The following ABCA9 variants were observed in gnomAD, a reference collection of about 807,000 sequenced individuals.
ABCA9 encodes the protein ATP binding cassette subfamily A member 9, also known as ATP-binding cassette sub-family A member 9.
A neutral mutation model predicts 205.3 loss-of-function variants in ABCA9; 183 were observed. The ratio of observed to expected loss-of-function variants is 0.89; its 90% CI spans 0.79 to 1.01. ABCA9 has a LOEUF of 1.01. Ranked by LOEUF, ABCA9 falls within the 50% of genes least tolerant of loss-of-function variation. ABCA9 has a pLI of 0.00. For missense variants in ABCA9, 1,805 were observed against 1,912.4 expected, an observed-to-expected ratio of 0.94 and a Z score of 1.05; for synonymous variants, 651 against 683.3, an observed-to-expected ratio of 0.95 and a Z score of 0.74.
intron 15 of ABCA9, 23 bp from the exon 16 acceptor site, chr17:69,026,490 T>A: frequency 6.3e-7 from 1 of 1,582,768 alleles, no homozygotes; most frequent in Non-Finnish European, 8.7e-7. Flanking sequence ...AATCAAAAGA[T>A]AAGTTACATG....
intron 23 of ABCA9, 22 bp from the exon 24 acceptor site, chr17:69,008,257 CATCAAAAGGTTCTGAAGAGCTGAA>C: frequency 3.1e-6 from 5 of 1,607,410 alleles, no homozygotes; most frequent in Non-Finnish European, 4.2e-6. Context: ...ATAGAAGAAT[CATCAAAAGGTTCTGAAGAGCTGAA>C]GTTTGGGAAA....
At chr17:68,997,990 C>T (rs564754227) in intron 25 of ABCA9, among the ~76,000 whole-genome samples, 1 of 152,294 alleles carries the variant, frequency 6.6e-6, no homozygotes, top group East Asian at 1.9e-4. Context: ...TCACTGTCTC[C>T]ATAGTTTCGC....
At chr17:69,037,258 A>G (rs1466258139) in intron 6 of ABCA9, among the ~76,000 whole-genome samples, 1 of 152,196 alleles carries the variant, frequency 6.6e-6, no homozygotes, top group African/African-American at 2.4e-5. Flanking sequence ...TCAACAGAAT[A>G]TACTTTCTTC....
At position 68,992,341 on chromosome 17, in the gene ABCA9, G is replaced by T. The variant is rs552519438; in HGVS notation, c.3625-75C>A. The T allele has an allele frequency of 7.3e-6, 7 of 955,502 alleles. No individual in the cohort carries two copies. In the East Asian group the frequency reaches 2.0e-4, roughly 28 times the overall value. The allele number at this position is 955,502 out of a possible 1,614,324, so 59.2% of individuals were successfully genotyped here. On this transcript the variant is annotated intron_variant, in intron 27 of 38. Transcript: ENST00000340001. ...ATTTCAATATTGGAATTGATTTAAA[G>T]AGTTTGATTATATAAAAATTCGATT...
intron 18 of ABCA9, 57 bp downstream of exon 18, chr17:69,021,685 C>A: frequency 8.5e-6 from 9 of 1,054,392 alleles, no homozygotes; most frequent in Admixed American, 2.5e-5. Context: ...TTCGTCCTTC[C>A]TTCCTTCCTT....
At chr17:69,036,871 CAAAAAAAAAAAAAA>C (rs781565554) in intron 6 of ABCA9, among the ~76,000 whole-genome samples, 3 of 4,708 alleles carry the variant, frequency 6.4e-4, no homozygotes, top group East Asian at 0.029. Flanking sequence ...AAATGGAAAG[CAAAAAAAAAAAAAA>C]AAAAAAAAAA....
At chr17:68,998,775 C>A (rs1314268687) in intron 25 of ABCA9, among the ~76,000 whole-genome samples, 1 of 150,870 alleles carries the variant, frequency 6.6e-6, no homozygotes, top group African/African-American at 2.4e-5. Context: ...TTTCAGAATT[C>A]ATTATTAATT....
At chr17:68,991,052 G>A in intron 28 of ABCA9, 95 bp from the exon 29 acceptor site, 8 of 1,376,280 alleles carry the variant, frequency 5.8e-6, no homozygotes, top group Non-Finnish European at 7.9e-6. Context: ...TTTTGGAGTA[G>A]ATTCATTCAG....
chr17:69,077,877 C>T, the ABCA9 span, among the ~76,000 whole-genome samples: 23 of 151,434 alleles, frequency 1.5e-4, no homozygotes, highest in African/African-American at 5.6e-4. Flanking sequence ...GTTAAACTGA[C>T]AGGTATTTTA....
chr17:68,992,348 A>C (rs2144040423), intron 27 of ABCA9, 82 bp from the exon 28 acceptor site: 1 of 921,292 alleles, frequency 1.1e-6, no homozygotes, highest in East Asian at 2.9e-5. Context: ...AAAGAGTTTG[A>C]TTATATAAAA....
chr17:69,008,308 A>G, intron 23 of ABCA9, 73 bp from the exon 24 acceptor site: 1 of 1,377,672 alleles, frequency 7.3e-7, no homozygotes, highest in Non-Finnish European at 1.0e-6. Flanking sequence ...ATATACAGTC[A>G]TGAAAGCATT....
intron 8 of ABCA9, among the ~76,000 whole-genome samples, chr17:69,034,149 G>C (rs1255940471): frequency 3.9e-5 from 6 of 152,162 alleles, no homozygotes; most frequent in Non-Finnish European, 1.5e-5. Flanking sequence ...CAAGAAAGGT[G>C]ATATTTGAGC....
chr17:69,067,592 GAGAAAGAAAAAAGAAAGAA>G, the ABCA9 span, among the ~76,000 whole-genome samples: 2 of 128,072 alleles, frequency 1.6e-5, no homozygotes, highest in African/African-American at 5.5e-5. Flanking sequence ...GAGAGAGACA[GAGAAAGAAAAAAGAAAGAA>G]AGAAAGAAAG....
At chr17:69,007,901 A>C in intron 24 of ABCA9, 29 bp from the exon 25 acceptor site, 1 of 1,493,944 alleles carries the variant, frequency 6.7e-7, no homozygotes, top group South Asian at 1.2e-5. Flanking sequence ...AGGTCCAATA[A>C]GGTAAATACT....
intron 22 of ABCA9, among the ~76,000 whole-genome samples, chr17:69,014,208 C>T (rs1031683745): frequency 1.2e-4 from 18 of 152,122 alleles, no homozygotes; most frequent in Non-Finnish European, 2.4e-4. Flanking sequence ...AAATTCAAAA[C>T]TCTTTGAGTG....
intron 6 of ABCA9, among the ~76,000 whole-genome samples, chr17:69,037,974 T>C (rs1032529675): frequency 6.6e-6 from 1 of 152,030 alleles, no homozygotes; most frequent in Admixed American, 6.5e-5. Context: ...CTAGAAGAAA[T>C]AGATAAATTC....
chr17:69,021,628 G>T (rs1390260412), intron 18 of ABCA9, 114 bp downstream of exon 18: 5 of 653,502 alleles, frequency 7.7e-6, no homozygotes, highest in East Asian at 5.7e-5. Flanking sequence ...TCATCATTTG[G>T]GCATATTTTC....
chr17:69,009,829 G>A (rs1411893819), intron 23 of ABCA9, among the ~76,000 whole-genome samples: 4 of 152,132 alleles, frequency 2.6e-5, no homozygotes, highest in Non-Finnish European at 4.4e-5. Context: ...AGCCAGCTAT[G>A]AAGATGAGAG....
chr17:69,043,570 T>C lies in ABCA9; in HGVS notation c.719A>G (p.Tyr240Cys), dbSNP rs747272553. The C allele has an allele frequency of 6.2e-7, 1 of 1,612,042 alleles. No homozygotes were observed. Among genetic ancestry groups the C allele is most frequent in the South Asian group, 1.1e-5 (1 of 90,700 alleles). ...CIISFSTFIY[Y>C]VSVNVTQERQ... ...TTCTTGTGTAACATTGACTGATACA[T>C]AGTATATAAATGTAGAAAAAGAAAT... is the stretch of plus-strand genomic sequence containing the variant. Residue 240 changes from tyrosine to cysteine, a missense_variant, in exon 6 of 39, where the codon TAT becomes TGT. Tyr to Cys is a radical substitution (Grantham distance 194). Coordinates refer to ENST00000340001, the MANE Select transcript of ABCA9 (RefSeq NM_080283.4).
Sources: allele counts gnomAD v4.1 joint callset (sites outside exome capture counted in the v4.1 genomes callset), GRCh38; gene constraint gnomAD v4.1.1; transcripts MANE v1.5; gene names NCBI Gene and HGNC (gene_info 2026-07-23, HGNC 2026-07-21).